Variants in ZFHX3 observed in about 807,000 individuals in gnomAD.
ZFHX3 encodes the protein zinc finger homeobox protein 3.
ZFHX3 carries 42 observed loss-of-function variants against 279.1 expected under a neutral mutation model. The ratio of observed to expected loss-of-function variants is 0.15; its 90% CI spans 0.12 to 0.19. The LOEUF (loss-of-function observed/expected upper bound fraction) is 0.19, where lower values mean the gene tolerates loss of function less well. ZFHX3 is among the 10% of genes least tolerant of loss of function. The pLI is 1.00. For missense variants in ZFHX3, 4,981 were observed against 4,754.0 expected (o/e 1.05, Z -1.40); for synonymous variants, 2,293 against 1,957.8 (o/e 1.17, Z -4.52).
Position 72,959,900 on chromosome 16 carries a change from G to A in ZFHX3, c.246C>T (p.Asn82=), listed in dbSNP as rs62640000. 3,599 of 1,603,398 alleles carry A rather than the reference G, an allele frequency of 2.2e-3. 39 individuals carry two copies. Among genetic ancestry groups the A allele is most frequent in the Middle Eastern group, 7.6e-3 (46 of 6,014 alleles). The stretch of plus-strand genomic sequence containing the variant: ...GGCTGGCAAAGGAGGCCGAACATTC[G>A]TTGCAGGTGACCTCCTTGCTGGCGG... ...SEPASKEVTC[N]ECSASFASLQ... is the part of the protein sequence containing the mutation. Residue 82 remains asparagine (N), a synonymous_variant, in exon 2 of 10, where the codon AAC becomes AAT. Coordinates refer to ENST00000268489, the MANE Select transcript of ZFHX3 (RefSeq NM_006885.4).
At chr16:73,169,686 T>C (rs1373941599) in intron 5 of ZFHX3, among the ~76,000 whole-genome samples, 1 of 150,726 alleles carries the variant, frequency 6.6e-6, no homozygotes, top group Non-Finnish European at 1.5e-5. Flanking sequence ...AAAAAGTAAC[T>C]AGTGAGGGAA....
At chr16:73,099,705 C>G (rs1966207728) in intron 7 of ZFHX3, among the ~76,000 whole-genome samples, 1 of 113,396 alleles carries the variant, frequency 8.8e-6, no homozygotes, top group South Asian at 3.8e-4. Flanking sequence ...AGTGAGACTC[C>G]ATCTCAAAAA....
chr16:73,187,144 T>A (rs12922849), intron 5 of ZFHX3, among the ~76,000 whole-genome samples: 290 of 147,076 alleles, frequency 2.0e-3, no homozygotes, highest in African/African-American at 3.4e-3. Flanking sequence ...GTTGTATGTC[T>A]CACACACACA....
chr16:73,446,532 C>T (rs537855718), intron 3 of ZFHX3, among the ~76,000 whole-genome samples: 70 of 152,310 alleles, frequency 4.6e-4, no homozygotes, highest in African/African-American at 1.5e-3. Flanking sequence ...CCTCCCCCAA[C>T]ACGTGAGGAT....
chr16:73,064,591 G>T (rs1965723373), upstream of ZFHX3, among the ~76,000 whole-genome samples: 2 of 152,014 alleles, frequency 1.3e-5, no homozygotes, highest in African/African-American at 4.8e-5. Flanking sequence ...TGGATTGTGG[G>T]TATGTTTCAT....
chr16:73,416,656 G>A (rs1345053499), intron 3 of ZFHX3, among the ~76,000 whole-genome samples: 1 of 152,116 alleles, frequency 6.6e-6, no homozygotes, highest in Non-Finnish European at 1.5e-5. Context: ...GGTGGACCAC[G>A]AGGTCAGGAG....
Position 72,788,141 on chromosome 16 carries a change from G to T in ZFHX3, c.10135C>A (p.Gln3379Lys), listed in dbSNP as rs1487535945. ...TGCTGCTGCTGTAGTTGCCGCTGCT[G>T]CTGCTGCTGAATTGCCTCCTGCAGA... Reference protein sequence around the residue: ...QSLQEAIQQQQQRQLQQQQQQ... With the variant: ...QSLQEAIQQQKQRQLQQQQQQ... The change falls in exon 10 of 10, where the codon CAG (glutamine) becomes AAG (lysine). Residue 3379 changes from glutamine to lysine, a missense_variant. By Grantham distance (53) the Gln-to-Lys change is moderately conservative. This residue lies in a region of ZFHX3 where 1,034 missense variants were observed against 786.0 expected (regional missense o/e 1.32). Transcript: ENST00000268489. The T allele has an allele frequency of 1.9e-6, 3 of 1,612,152 alleles. No homozygotes were observed. The highest frequency in any genetic ancestry group is 2.5e-6 in the Non-Finnish European group (3 of 1,179,700).
intron 1 of ZFHX3, among the ~76,000 whole-genome samples, chr16:73,728,015 G>GCTC (rs1555535413): frequency 5.3e-5 from 4 of 75,426 alleles, no homozygotes; most frequent in East Asian, 6.2e-4. Flanking sequence ...GCCGAATTGT[G>GCTC]CCCCCCCCCC....
intron 1 of ZFHX3, among the ~76,000 whole-genome samples, chr16:73,002,915 A>G (rs1963553293): frequency 6.6e-6 from 1 of 152,228 alleles, no homozygotes; most frequent in Admixed American, 6.5e-5. Context: ...ACAAAGTATT[A>G]AAAGTAGCCT....
intron 2 of ZFHX3, among the ~76,000 whole-genome samples, chr16:73,515,792 T>A (rs2019510828): frequency 6.6e-6 from 1 of 152,196 alleles, no homozygotes; most frequent in African/African-American, 2.4e-5. Context: ...TGGAGCCGTA[T>A]CTATATCTCA....
At chr16:73,511,119 G>A (rs2019420546) in intron 2 of ZFHX3, among the ~76,000 whole-genome samples, 1 of 152,224 alleles carries the variant, frequency 6.6e-6, no homozygotes, top group East Asian at 1.9e-4. Flanking sequence ...TTGGCTGGCT[G>A]AGAACGGAAG....
rs182090460 is a variant in ZFHX3 at position 73,745,135 on chromosome 16, T to A, written c.-1607-64895A>T. On this transcript the variant is annotated intron_variant, in intron 1 of 17. Coordinates refer to the ZFHX3 transcript ENST00000641206. The stretch of plus-strand genomic sequence containing the variant: ...TTTTCTTTATAGGAAGGGTGGAATA[T>A]TATTACCCCATTCATCACAGACTTT... Among the ~76,000 whole-genome samples the A allele has an allele frequency of 3.9e-5, 6 of 152,316 alleles. No homozygotes were observed. In the East Asian group the frequency reaches 9.7e-4, roughly 25 times the overall value.
At chr16:73,595,064 G>A (rs2052035191) in intron 2 of ZFHX3, among the ~76,000 whole-genome samples, 2 of 152,128 alleles carry the variant, frequency 1.3e-5, no homozygotes, top group Admixed American at 6.5e-5. Flanking sequence ...TTATGGGGTT[G>A]CTTGCAAAAG....
At chr16:73,037,279 T>G (rs1964944185) in intron 1 of ZFHX3, among the ~76,000 whole-genome samples, 1 of 152,150 alleles carries the variant, frequency 6.6e-6, no homozygotes, top group Admixed American at 6.5e-5. Flanking sequence ...ATCCATGAAA[T>G]TTCATGGTTA....
At chr16:73,617,653 G>A (rs974495906) in intron 2 of ZFHX3, among the ~76,000 whole-genome samples, 7 of 152,120 alleles carry the variant, frequency 4.6e-5, no homozygotes, top group African/African-American at 7.2e-5. Context: ...CATTATTAGC[G>A]AAAGGTATTG....
At chr16:72,986,341 T>C (rs530174346) in intron 1 of ZFHX3, among the ~76,000 whole-genome samples, 30 of 152,314 alleles carry the variant, frequency 2.0e-4, no homozygotes, top group African/African-American at 7.0e-4. Flanking sequence ...TCAGGGCTCC[T>C]TGGGCTGACA....
At chr16:73,621,319 T>C (rs1275570866) in intron 2 of ZFHX3, among the ~76,000 whole-genome samples, 2 of 152,142 alleles carry the variant, frequency 1.3e-5, no homozygotes, top group African/African-American at 4.8e-5. Context: ...ATAAAGCAAA[T>C]ATTTCATTAA....
chr16:73,442,517 C>T lies in ZFHX3; in HGVS notation c.-1291+13486G>A, dbSNP rs1027850267. ...CAATATCTTTAGTATCTTTTGTGTG[C>T]GTAGTTAACCATGTAAGTGAAAAAA... is the stretch of plus-strand genomic sequence containing the variant. On this transcript the variant is annotated intron_variant, in intron 3 of 17. Coordinates refer to the ZFHX3 transcript ENST00000641206. Among the ~76,000 whole-genome samples the T allele has an allele frequency of 4.0e-5, 6 of 151,798 alleles. No individual in the cohort carries two copies. The South Asian group carries it at 1.0e-3, about 26-fold the overall frequency.
chr16:73,836,970 G>A (rs140278361), intron 1 of ZFHX3, among the ~76,000 whole-genome samples: 2 of 152,336 alleles, frequency 1.3e-5, no homozygotes, highest in East Asian at 1.9e-4. Context: ...CGTGCAGCAT[G>A]AGACCTTCAC....
Sources: gnomAD v4.1 joint callset for allele counts (sites outside exome capture counted in the v4.1 genomes callset) on GRCh38, gnomAD v4.1.1 for gene constraint, gnomAD v4.1.1 regional missense constraint, MANE v1.5 for transcripts, NCBI Gene and HGNC (gene_info 2026-07-23, HGNC 2026-07-21) for gene names.